The following TMEM181 variants were observed in gnomAD, a reference collection of about 807,000 sequenced individuals.
The protein encoded by TMEM181 is G protein-coupled receptor 178.
A neutral mutation model predicts 71.9 loss-of-function variants in TMEM181; 39 were observed. The ratio of observed to expected loss-of-function variants is 0.54; its 90% CI spans 0.42 to 0.71. The LOEUF (loss-of-function observed/expected upper bound fraction) is 0.71. Among genes scored for constraint, TMEM181 ranks in the 30% least tolerant of loss-of-function variants. The pLI is 0.00. For synonymous variants in TMEM181, 245 were observed against 228.8 expected, an observed-to-expected ratio of 1.07 and a Z score of -0.64; for missense variants, 595 against 583.0, an observed-to-expected ratio of 1.02 and a Z score of -0.21.
intron 10 of TMEM181, chr6:158,611,024 A>T (rs947195445): frequency 1.8e-5 from 8 of 451,318 alleles, no homozygotes; most frequent in African/African-American, 1.6e-4. Flanking sequence ...CCCTATCTTT[A>T]TGCTTTCGGA....
intron 5 of TMEM181, among the ~76,000 whole-genome samples, chr6:158,586,886 C>G (rs553197008): frequency 2.6e-5 from 4 of 152,284 alleles, no homozygotes; most frequent in Admixed American, 2.6e-4. Flanking sequence ...TGTGTGCAGC[C>G]TGAGGCATCC....
intron 1 of TMEM181, among the ~76,000 whole-genome samples, chr6:158,564,987 AC>A (rs1171125666): frequency 6.6e-6 from 1 of 152,114 alleles, no homozygotes; most frequent in Non-Finnish European, 1.5e-5. Context: ...TCTCGGTCTT[AC>A]CCGCCTACCG....
chr6:158,590,723 A>G (rs111570746), intron 6 of TMEM181, among the ~76,000 whole-genome samples: 21,793 of 152,238 alleles, frequency 0.14, 1,724 homozygotes, highest in Middle Eastern at 0.2. Context: ...TGGCCTCCCA[A>G]AGTGCTGGGA....
intron 10 of TMEM181, among the ~76,000 whole-genome samples, chr6:158,615,050 G>C (rs1159747458): frequency 6.6e-6 from 1 of 152,188 alleles, no homozygotes; most frequent in Non-Finnish European, 1.5e-5. Context: ...CTAGATCCTT[G>C]AGGAATTGCC....
intron 2 of TMEM181, among the ~76,000 whole-genome samples, chr6:158,578,020 G>A (rs544634403): frequency 6.6e-6 from 1 of 152,180 alleles, no homozygotes; most frequent in African/African-American, 2.4e-5. Context: ...AACCCGGGAG[G>A]TGGAGGTTGT....
At chr6:158,586,766 G>A (rs1444156189) in intron 5 of TMEM181, among the ~76,000 whole-genome samples, 7 of 152,196 alleles carry the variant, frequency 4.6e-5, no homozygotes, top group Non-Finnish European at 8.8e-5. Flanking sequence ...CAGGGGATGA[G>A]TCAGCTTCCA....
upstream of TMEM181, among the ~76,000 whole-genome samples, chr6:158,558,720 G>A (rs547826907): frequency 7.2e-5 from 11 of 152,198 alleles, no homozygotes; most frequent in Non-Finnish European, 1.5e-4. Flanking sequence ...AAGGACTCAA[G>A]TAGGGAGGCA....
At chr6:158,628,290 A>G in intron 13 of TMEM181, 118 bp from the exon 14 acceptor site, 1 of 895,948 alleles carries the variant, frequency 1.1e-6, no homozygotes, top group Non-Finnish European at 1.8e-6. Flanking sequence ...GGAAGTTCCC[A>G]TGCAGAAATC....
chr6:158,618,352 T>G (rs573888970), intron 10 of TMEM181, among the ~76,000 whole-genome samples: 162 of 152,338 alleles, frequency 1.1e-3, no homozygotes, highest in African/African-American at 3.7e-3. Context: ...TTGGTAGATA[T>G]TCATCCATCC....
intron 16 of TMEM181, 54 bp downstream of exon 16, chr6:158,631,443 T>C: frequency 6.4e-7 from 1 of 1,572,750 alleles, no homozygotes; most frequent in Non-Finnish European, 8.8e-7. Flanking sequence ...CGGCACGGCC[T>C]TGCATGTTTC....
At chr6:158,590,134 C>G (rs1784024227) in intron 6 of TMEM181, among the ~76,000 whole-genome samples, 2 of 152,124 alleles carry the variant, frequency 1.3e-5, no homozygotes, top group Admixed American at 6.5e-5. Flanking sequence ...TGGGAGGGCA[C>G]TGTTCTAATT....
intron 6 of TMEM181, among the ~76,000 whole-genome samples, chr6:158,597,494 G>A (rs897120208): frequency 6.6e-6 from 1 of 151,910 alleles, no homozygotes; most frequent in Non-Finnish European, 1.5e-5. Context: ...GGACAAAGGA[G>A]GCCTCAGCTA....
chr6:158,600,686 G>A (rs1478508247), intron 6 of TMEM181, among the ~76,000 whole-genome samples: 1 of 152,026 alleles, frequency 6.6e-6, no homozygotes, highest in Non-Finnish European at 1.5e-5. Context: ...GCCCAGGCTG[G>A]TCTCAAATTC....
intron 1 of TMEM181, among the ~76,000 whole-genome samples, chr6:158,570,920 G>GT (rs201020009): frequency 0.048 from 6,975 of 144,366 alleles, 246 homozygotes; most frequent in African/African-American, 0.088. Context: ...TGTTAGGTTG[G>GT]TTTTTTTTTT....
At chr6:158,621,036 A>T (rs1194362824) in intron 10 of TMEM181, among the ~76,000 whole-genome samples, 1 of 152,054 alleles carries the variant, frequency 6.6e-6, no homozygotes, top group African/African-American at 2.4e-5. Context: ...GCTTATCTGG[A>T]AGGGAGAGTT....
chr6:158,574,302 G>A (rs1374945675), intron 2 of TMEM181, among the ~76,000 whole-genome samples: 1 of 152,204 alleles, frequency 6.6e-6, no homozygotes, highest in Non-Finnish European at 1.5e-5. Flanking sequence ...GTAAATGGAC[G>A]AGGAAGCTGG....
chr6:158,615,180 C>G (rs576007588), intron 10 of TMEM181, among the ~76,000 whole-genome samples: 1 of 152,336 alleles, frequency 6.6e-6, no homozygotes, highest in African/African-American at 2.4e-5. Flanking sequence ...GATTGCCATT[C>G]TAACTGGTGT....
intron 6 of TMEM181, among the ~76,000 whole-genome samples, chr6:158,593,795 A>G (rs979359235): frequency 6.6e-6 from 1 of 152,182 alleles, no homozygotes; most frequent in Non-Finnish European, 1.5e-5. Flanking sequence ...ATTGAGAGGA[A>G]GGTACAGAGA....
chr6:158,609,007 A>AGGAT (rs1785130907), intron 10 of TMEM181, among the ~76,000 whole-genome samples: 1 of 151,780 alleles, frequency 6.6e-6, no homozygotes, highest in Non-Finnish European at 1.5e-5. Flanking sequence ...CTGAGGTGGG[A>AGGAT]GGATCGCTTG....
Sources: gnomAD v4.1 joint callset for allele counts (sites outside exome capture counted in the v4.1 genomes callset) on GRCh38, gnomAD v4.1.1 for gene constraint, MANE v1.5 for transcripts, NCBI Gene and HGNC (gene_info 2026-07-23, HGNC 2026-07-21) for gene names.